The following M1AP variants were observed in gnomAD, a reference collection of about 807,000 sequenced individuals.
The protein encoded by M1AP is meiosis 1 associated protein, also known as meiosis 1 arrest protein.
M1AP carries 39 observed loss-of-function variants against 51.2 expected under a neutral mutation model. The observed-to-expected ratio is 0.76, with a 90% CI of 0.59 to 1.00. The LOEUF (loss-of-function observed/expected upper bound fraction) is 1.00. Ranked by LOEUF, M1AP falls within the 50% of genes least tolerant of loss-of-function variation. M1AP has a pLI of 0.00. For missense variants in M1AP, 545 were observed against 641.2 expected, an observed-to-expected ratio of 0.85 and a Z score of 1.62; for synonymous variants, 251 against 249.2, an observed-to-expected ratio of 1.01 and a Z score of -0.07.
At chr2:74,593,772 A>G (rs1680176122) in intron 4 of M1AP, among the ~76,000 whole-genome samples, 1 of 152,238 alleles carries the variant, frequency 6.6e-6, no homozygotes, top group Non-Finnish European at 1.5e-5. Flanking sequence ...TGGAGTAACC[A>G]AGTAAACCAG....
In M1AP at chr2:74,558,477, CAAATGATTCTAAAGA is replaced by C. The variant is rs1677657604; in HGVS notation, c.*224_*238del. On this transcript the variant is annotated 3_prime_UTR_variant, in exon 11 of 11. Coordinates refer to ENST00000421985, the MANE Select transcript of M1AP (RefSeq NM_001321739.2). ...TAATCTTCACCTGTGTAAACAGTAG[CAAATGATTCTAAAGA>C]AAATGAAAGTCCTTGCTGGAGAAAG... The C allele has an allele frequency of 2.0e-6, 1 of 494,244 alleles. No homozygotes were observed. The highest frequency in any genetic ancestry group is 2.0e-5 in the African/African-American group (1 of 49,390). The allele number at this position is 494,244 out of a possible 1,614,324, so 30.6% of individuals were successfully genotyped here.
intron 7 of M1AP, among the ~76,000 whole-genome samples, chr2:74,567,752 G>A (rs1433293394): frequency 6.6e-6 from 1 of 152,188 alleles, no homozygotes; most frequent in East Asian, 1.9e-4. Flanking sequence ...AAAGAATGCT[G>A]CCAAAACACA....
intron 1 of M1AP, among the ~76,000 whole-genome samples, chr2:74,643,207 T>C (rs1683411365): frequency 1.3e-5 from 2 of 152,138 alleles, no homozygotes; most frequent in Admixed American, 1.3e-4. Flanking sequence ...AACAATCTTG[T>C]TCACAATTAC....
intron 2 of M1AP, among the ~76,000 whole-genome samples, chr2:74,621,319 C>T (rs1437930219): frequency 6.6e-6 from 1 of 151,390 alleles, no homozygotes; most frequent in African/African-American, 2.4e-5. Flanking sequence ...ACCAGAAAAG[C>T]AGCACTTTCC....
intron 4 of M1AP, among the ~76,000 whole-genome samples, chr2:74,599,787 C>CA (rs1379517110): frequency 1.3e-5 from 2 of 151,562 alleles, no homozygotes; most frequent in Non-Finnish European, 2.9e-5. Context: ...CACAGACACA[C>CA]ACACACGAAT....
intron 4 of M1AP, among the ~76,000 whole-genome samples, chr2:74,601,782 A>G (rs1267793272): frequency 6.6e-6 from 1 of 152,178 alleles, no homozygotes; most frequent in Admixed American, 6.5e-5. Flanking sequence ...AGATCCTGTA[A>G]AAGAACTTTC....
intron 4 of M1AP, among the ~76,000 whole-genome samples, chr2:74,584,960 G>A (rs1212354644): frequency 2.0e-5 from 3 of 151,134 alleles, no homozygotes; most frequent in Admixed American, 2.0e-4. Context: ...CTCCTGCCTC[G>A]GCCTCCCAAG....
At chr2:74,574,650 C>G (rs558867645) in intron 7 of M1AP, among the ~76,000 whole-genome samples, 7 of 152,280 alleles carry the variant, frequency 4.6e-5, no homozygotes, top group South Asian at 2.1e-4. Flanking sequence ...ATTTGTTTCC[C>G]TAAGTCCAAA....
chr2:74,606,537 G>A (rs1169782908), intron 4 of M1AP, among the ~76,000 whole-genome samples: 1 of 152,056 alleles, frequency 6.6e-6, no homozygotes, highest in Non-Finnish European at 1.5e-5. Flanking sequence ...AGTTGTGTAT[G>A]TGTATATATG....
intron 1 of M1AP, among the ~76,000 whole-genome samples, chr2:74,644,676 C>T (rs989314687): frequency 4.6e-5 from 7 of 152,034 alleles, no homozygotes; most frequent in East Asian, 1.9e-4. Flanking sequence ...GTTCCAATTA[C>T]GTGCTGGATA....
chr2:74,563,406 C>T (rs1478171889), intron 7 of M1AP, among the ~76,000 whole-genome samples: 4 of 151,888 alleles, frequency 2.6e-5, no homozygotes, highest in African/African-American at 9.7e-5. Flanking sequence ...CTCGACCAGC[C>T]TGACTAACAT....
chr2:74,589,070 G>A (rs186903923), intron 4 of M1AP, among the ~76,000 whole-genome samples: 11 of 152,330 alleles, frequency 7.2e-5, no homozygotes, highest in Admixed American at 4.6e-4. Flanking sequence ...GTGTGCACGC[G>A]CGCGCGTGCA....
At position 74,596,411 on chromosome 2, in the gene M1AP, T is replaced by C. The variant is rs1248113241; in HGVS notation, c.595+10644A>G. ...TCCTGGCTAACATGGTGAAACCCTG[T>C]CTCTACTAAAAATACAAAAAATTTG... On this transcript the variant is annotated intron_variant, in intron 4 of 10. Coordinates refer to ENST00000421985, the MANE Select transcript of M1AP (RefSeq NM_001321739.2). 3.9e-5 allele frequency among the ~76,000 whole-genome samples: 6 copies of C among 152,138 alleles called. No individual in the cohort carries two copies. The East Asian group carries it at 1.2e-3, about 29-fold the overall frequency.
At chr2:74,566,560 A>G (rs1406010228) in intron 7 of M1AP, among the ~76,000 whole-genome samples, 1 of 152,158 alleles carries the variant, frequency 6.6e-6, no homozygotes, top group Non-Finnish European at 1.5e-5. Context: ...CGTAGGTGAA[A>G]GATGAAGCAA....
At chr2:74,628,791 T>G (rs531720652) in intron 2 of M1AP, 6 of 503,118 alleles carry the variant, frequency 1.2e-5, no homozygotes, top group African/African-American at 1.2e-4. Flanking sequence ...ACAGAGAAGA[T>G]AGACAATGAT....
intron 5 of M1AP, 144 bp from the exon 6 acceptor site, chr2:74,576,762 C>T: frequency 8.2e-7 from 1 of 1,220,382 alleles, no homozygotes; most frequent in Non-Finnish European, 1.1e-6. Flanking sequence ...TAGGAGGAGG[C>T]AGGAGAGTGG....
chr2:74,614,846 CT>C (rs1423439441), intron 3 of M1AP, 117 bp downstream of exon 3: 11 of 919,642 alleles, frequency 1.2e-5, no homozygotes, highest in African/African-American at 1.7e-5. Context: ...GAAAATCTTG[CT>C]TTGAATATTA....
At chr2:74,569,185 A>G (rs1573069069) in intron 7 of M1AP, among the ~76,000 whole-genome samples, 1 of 152,342 alleles carries the variant, frequency 6.6e-6, no homozygotes, top group South Asian at 2.1e-4. Flanking sequence ...CAAAAATGAA[A>G]CAAATGGAAA....
intron 2 of M1AP, chr2:74,620,745 T>C (rs1681959888): frequency 9.4e-6 from 2 of 213,366 alleles, no homozygotes; most frequent in East Asian, 2.2e-4. Flanking sequence ...AGGTGGAGAG[T>C]TACTCTTCAG....
Sources: allele counts gnomAD v4.1 joint callset (sites outside exome capture counted in the v4.1 genomes callset), GRCh38; gene constraint gnomAD v4.1.1; transcripts MANE v1.5; gene names NCBI Gene and HGNC (gene_info 2026-07-23, HGNC 2026-07-21).